Variants in NELL1 observed in about 807,000 individuals in gnomAD.
The protein encoded by NELL1 is protein kinase C-binding protein NELL1.
In NELL1, 76 loss-of-function variants were observed where a neutral mutation model predicts 107.4. That is an observed-to-expected ratio of 0.71 (90% CI 0.59 to 0.86). The LOEUF (loss-of-function observed/expected upper bound fraction) is 0.86, where lower values mean the gene tolerates loss of function less well. Among genes scored for constraint, NELL1 ranks in the 40% least tolerant of loss-of-function variants. NELL1 has a pLI of 0.00. For missense variants in NELL1, 1,024 were observed against 1,005.5 expected, an observed-to-expected ratio of 1.02 and a Z score of -0.25; for synonymous variants, 353 against 341.2, an observed-to-expected ratio of 1.03 and a Z score of -0.38.
chr11:21,575,181 T>C lies in NELL1; in HGVS notation c.*159T>C, dbSNP rs1191213649. 14 of 656,336 alleles carry C rather than the reference T, an allele frequency of 2.1e-5. No individual in the cohort carries two copies. Among genetic ancestry groups the C allele is most frequent in the Non-Finnish European group, 3.5e-5 (13 of 371,022 alleles). 40.7% of individuals were successfully genotyped at this position (656,336 alleles called of 1,614,324 possible). A position where few individuals can be genotyped will look rare whatever the true frequency, so the allele number is the denominator to read the frequency against. On this transcript the variant is annotated 3_prime_UTR_variant, in exon 20 of 20. Transcript: ENST00000357134. The stretch of plus-strand genomic sequence containing the variant: ...TGAGGACGGTGTTTGGAGGTTGCCT[T>C]TTGGACCTACCACTTTGCTCATTCT...
chr11:20,998,810 A>G (rs1292441172), intron 12 of NELL1, among the ~76,000 whole-genome samples: 3 of 152,196 alleles, frequency 2.0e-5, no homozygotes, highest in Admixed American at 6.5e-5. Context: ...TTCAATCTAT[A>G]TAATGCCAGG....
chr11:21,119,502 G>C (rs887265063), intron 13 of NELL1, among the ~76,000 whole-genome samples: 1 of 152,064 alleles, frequency 6.6e-6, no homozygotes, highest in Non-Finnish European at 1.5e-5. Flanking sequence ...CCTCCCTGGG[G>C]ACTGGGGTTT....
At chr11:21,258,509 A>G (rs969739469) in intron 14 of NELL1, among the ~76,000 whole-genome samples, 2 of 151,980 alleles carry the variant, frequency 1.3e-5, no homozygotes, top group Admixed American at 1.3e-4. Flanking sequence ...GGCAAGTCCT[A>G]AATTTGCAGA....
rs1382742826 is a variant in NELL1 at position 20,937,779 on chromosome 11, A to G, written c.998-7A>G. 1 of 1,613,602 alleles carries G rather than the reference A, an allele frequency of 6.2e-7. No homozygotes were observed. Among genetic ancestry groups the G allele is most frequent in the Non-Finnish European group, 8.5e-7 (1 of 1,179,548 alleles). Reference sequence around the variant, plus strand: ...ACTGTCTGACCCATTTTTATGTTTTATTACAGCAAAATGTATCTATGGAGG... The same window carrying G: ...ACTGTCTGACCCATTTTTATGTTTTGTTACAGCAAAATGTATCTATGGAGG... On this transcript the variant is annotated splice_region_variant and splice_polypyrimidine_tract_variant and intron_variant, in intron 9 of 19. Coordinates refer to ENST00000357134, the MANE Select transcript of NELL1 (RefSeq NM_006157.5).
chr11:20,876,779 AAAAC>A (rs777419815), intron 4 of NELL1, among the ~76,000 whole-genome samples: 16 of 151,760 alleles, frequency 1.1e-4, no homozygotes, highest in Non-Finnish European at 2.1e-4. Flanking sequence ...AAAACAAAAC[AAAAC>A]AAACAAACAA....
intron 13 of NELL1, among the ~76,000 whole-genome samples, chr11:21,223,150 A>G (rs554604596): frequency 5.9e-5 from 9 of 152,082 alleles, no homozygotes; most frequent in African/African-American, 1.4e-4. Flanking sequence ...CAAGCCCCCT[A>G]TCATTATTGT....
At chr11:21,456,172 C>T (rs10833537) in intron 15 of NELL1, among the ~76,000 whole-genome samples, 90,228 of 151,950 alleles carry the variant, frequency 0.59, 28,495 homozygotes, top group Middle Eastern at 0.81. Context: ...GGATTACAGG[C>T]GATGCCTGGC....
chr11:20,912,061 G>C (rs1850144391), intron 5 of NELL1, among the ~76,000 whole-genome samples: 1 of 152,176 alleles, frequency 6.6e-6, no homozygotes, highest in Admixed American at 6.5e-5. Flanking sequence ...AAAAATGCTT[G>C]TGATGTGCTT....
At chr11:20,758,418 A>T (rs1034795545) in intron 2 of NELL1, among the ~76,000 whole-genome samples, 3 of 152,062 alleles carry the variant, frequency 2.0e-5, no homozygotes, top group Non-Finnish European at 4.4e-5. Flanking sequence ...CTTCCACTAC[A>T]TCACGCTCCT....
intron 2 of NELL1, among the ~76,000 whole-genome samples, chr11:20,729,503 G>T (rs1259288992): frequency 6.6e-6 from 1 of 152,094 alleles, no homozygotes; most frequent in East Asian, 1.9e-4. Flanking sequence ...TTTCTTGAGG[G>T]TTTTTATCAT....
intron 2 of NELL1, among the ~76,000 whole-genome samples, chr11:20,753,869 A>C (rs1354664764): frequency 6.6e-6 from 1 of 152,160 alleles, no homozygotes; most frequent in Non-Finnish European, 1.5e-5. Flanking sequence ...CAGGAATTCC[A>C]GTTGGAAGAT....
chr11:20,951,020 T>C (rs1403495568), intron 11 of NELL1, among the ~76,000 whole-genome samples: 2 of 152,206 alleles, frequency 1.3e-5, no homozygotes, highest in African/African-American at 4.8e-5. Context: ...GTCAAAACCT[T>C]TCTCATGCCT....
At chr11:21,274,167 G>A (rs1320357803) in intron 14 of NELL1, among the ~76,000 whole-genome samples, 1 of 152,104 alleles carries the variant, frequency 6.6e-6, no homozygotes, top group Non-Finnish European at 1.5e-5. Flanking sequence ...CATCTCACGT[G>A]CAGAGACACA....
At chr11:21,368,793 C>T (rs1851292160) in intron 14 of NELL1, among the ~76,000 whole-genome samples, 2 of 151,960 alleles carry the variant, frequency 1.3e-5, no homozygotes, top group African/African-American at 4.8e-5. Context: ...GTTCCTGGTC[C>T]GTGTCCGTGT....
chr11:21,035,564 G>A (rs929379821), intron 12 of NELL1, among the ~76,000 whole-genome samples: 2 of 151,280 alleles, frequency 1.3e-5, no homozygotes, highest in Non-Finnish European at 2.9e-5. Flanking sequence ...TCCCTCGAAC[G>A]CAAGCTTGGT....
chr11:21,085,361 C>T (rs914033630), intron 12 of NELL1, among the ~76,000 whole-genome samples: 1 of 152,140 alleles, frequency 6.6e-6, no homozygotes, highest in Non-Finnish European at 1.5e-5. Flanking sequence ...AGTCTGGGCA[C>T]AGTGTCTCAC....
intron 13 of NELL1, among the ~76,000 whole-genome samples, chr11:21,160,733 G>A (rs1483801383): frequency 2.0e-5 from 3 of 152,028 alleles, no homozygotes; most frequent in Admixed American, 2.0e-4. Flanking sequence ...AAGAACCTAG[G>A]CTAATAATGT....
intron 2 of NELL1, among the ~76,000 whole-genome samples, chr11:20,689,432 C>T (rs1854395586): frequency 1.9e-5 from 2 of 103,078 alleles, no homozygotes; most frequent in Admixed American, 1.2e-4. Context: ...CTATCCCTCC[C>T]CCCTCCCCCC....
chr11:21,172,426 G>T (rs1856626556), intron 13 of NELL1, among the ~76,000 whole-genome samples: 1 of 151,784 alleles, frequency 6.6e-6, no homozygotes, highest in South Asian at 2.1e-4. Flanking sequence ...GACTTTGCAG[G>T]GCTGAATTTC....
Sources: gnomAD v4.1 joint callset for allele counts (sites outside exome capture counted in the v4.1 genomes callset) on GRCh38, gnomAD v4.1.1 for gene constraint, MANE v1.5 for transcripts, NCBI Gene and HGNC (gene_info 2026-07-23, HGNC 2026-07-21) for gene names.